Variants in IL1RAPL1 observed in about 807,000 individuals in gnomAD.
The protein encoded by IL1RAPL1 is interleukin 1 receptor accessory protein like 1.
A neutral mutation model predicts 48.4 loss-of-function variants in IL1RAPL1; 3 were observed. The ratio of observed to expected loss-of-function variants is 0.06; its 90% CI spans 0.03 to 0.16. IL1RAPL1 has a LOEUF of 0.16. Ranked by LOEUF, IL1RAPL1 falls within the 10% of genes least tolerant of loss-of-function variation. The pLI is 1.00. For missense variants in IL1RAPL1, 349 were observed against 530.6 expected (o/e 0.66, Z 3.36); for synonymous variants, 185 against 187.7 (o/e 0.99, Z 0.12).
At chrX:29,341,346 C>G (rs1347559743) in intron 3 of IL1RAPL1, among the ~76,000 whole-genome samples, 2 of 112,108 alleles carry the variant, frequency 1.8e-5, no homozygotes, top group African/African-American at 3.2e-5. Flanking sequence ...AGCATATAAT[C>G]TATTCTTTTA....
intron 2 of IL1RAPL1, among the ~76,000 whole-genome samples, chrX:28,886,794 T>C (rs1029524510): frequency 3.6e-5 from 4 of 110,454 alleles, no homozygotes; most frequent in African/African-American, 1.3e-4. Flanking sequence ...ATGATGTAGT[T>C]ATGTTTGTTT....
intron 2 of IL1RAPL1, among the ~76,000 whole-genome samples, chrX:29,276,936 C>T (rs763044525): frequency 2.7e-5 from 3 of 111,823 alleles, no homozygotes; most frequent in South Asian, 3.7e-4. Context: ...GATAGAGATA[C>T]GGTAAAGTCC....
intron 3 of IL1RAPL1, among the ~76,000 whole-genome samples, chrX:29,332,801 G>C (rs797010331): frequency 1.1e-5 from 1 of 93,975 alleles, no homozygotes; most frequent in Admixed American, 1.2e-4. Flanking sequence ...GCGGCCTTCC[G>C]CAGTGTTTGT....
intron 3 of IL1RAPL1, among the ~76,000 whole-genome samples, chrX:29,358,519 A>C (rs1304883882): frequency 9.1e-6 from 1 of 110,305 alleles, no homozygotes; most frequent in East Asian, 2.8e-4. Flanking sequence ...AAAAAGCATG[A>C]ACATAAATAC....
chrX:29,434,890 G>C (rs749579137), intron 5 of IL1RAPL1, among the ~76,000 whole-genome samples: 1 of 110,918 alleles, frequency 9.0e-6, no homozygotes, highest in East Asian at 2.8e-4. Flanking sequence ...TATATTCACA[G>C]TGTTGTGCAA....
intron 2 of IL1RAPL1, among the ~76,000 whole-genome samples, chrX:28,921,673 C>T (rs1923620184): frequency 8.9e-6 from 1 of 112,019 alleles, no homozygotes; most frequent in South Asian, 3.7e-4. Flanking sequence ...GTCAAGAAAG[C>T]ATCCTGCCTA....
At chrX:29,397,142 CAAAA>C (rs772178945) in intron 4 of IL1RAPL1, among the ~76,000 whole-genome samples, 2 of 111,749 alleles carry the variant, frequency 1.8e-5, no homozygotes, top group Non-Finnish European at 3.8e-5. Flanking sequence ...TGAATGTACT[CAAAA>C]AATAAAGTAT....
intron 2 of IL1RAPL1, among the ~76,000 whole-genome samples, chrX:28,969,928 CAT>C (rs755530854): frequency 1.0e-4 from 11 of 109,857 alleles, no homozygotes; most frequent in African/African-American, 1.6e-4. Flanking sequence ...TTTCTAAACA[CAT>C]ATATATGTTT....
rs183856665 is a variant in IL1RAPL1 at position 29,407,750 on chromosome X, G to A, written c.703+8442G>A. Reference sequence around the variant, plus strand: ...TTTGGGTCATGGGCGTATCCTAACCGAATTGACTGTAGGGAGGAGAGAAGT... The same window carrying A: ...TTTGGGTCATGGGCGTATCCTAACCAAATTGACTGTAGGGAGGAGAGAAGT... On this transcript the variant is annotated intron_variant, in intron 5 of 10. Coordinates refer to ENST00000378993, the MANE Select transcript of IL1RAPL1 (RefSeq NM_014271.4). Among the ~76,000 whole-genome samples, 680 of 111,828 alleles carry A rather than the reference G, an allele frequency of 6.1e-3. 2 individuals carry two copies. Among genetic ancestry groups the A allele is most frequent in the Admixed American group, 0.012 (127 of 10,488 alleles).
Position 29,206,549 on chromosome X carries a change from C to T in IL1RAPL1, c.83-76389C>T, listed in dbSNP as rs376639162. 1.1e-4 allele frequency among the ~76,000 whole-genome samples: 12 copies of T among 111,236 alleles called. No homozygotes were observed. In the East Asian group the frequency reaches 2.0e-3, roughly 19 times the overall value. ...CCAAACTCTTTGTCAAGTGATGTTACGTATTCATTTAATACTCAACTATAA... is the reference window on the plus strand; with the variant it reads ...CCAAACTCTTTGTCAAGTGATGTTATGTATTCATTTAATACTCAACTATAA... On this transcript the variant is annotated intron_variant, in intron 2 of 10. Transcript: ENST00000378993.
intron 8 of IL1RAPL1, among the ~76,000 whole-genome samples, chrX:29,933,309 T>C (rs1300480406): frequency 1.8e-5 from 2 of 111,548 alleles, no homozygotes; most frequent in East Asian, 2.8e-4. Flanking sequence ...GTTCTGCACA[T>C]GTACCCCAGA....
chrX:29,663,084 C>T (rs1925896304), intron 5 of IL1RAPL1, among the ~76,000 whole-genome samples: 1 of 112,249 alleles, frequency 8.9e-6, no homozygotes, highest in Non-Finnish European at 1.9e-5. Context: ...AAGATGTATG[C>T]TCCAATATTA....
rs193054029 is a variant in IL1RAPL1 at position 28,931,162 on chromosome X, T to C, written c.82+141737T>C. 1.6e-4 allele frequency among the ~76,000 whole-genome samples: 18 copies of C among 111,911 alleles called. No homozygotes were observed. The East Asian group carries it at 5.0e-3, about 31-fold the overall frequency. On this transcript the variant is annotated intron_variant, in intron 2 of 10. Transcript: ENST00000378993. The stretch of plus-strand genomic sequence containing the variant: ...GGCTTGCATTATTCTATCTTTTCTT[T>C]TCTAAACAGTGTTTCCTTAACAATT...
intron 3 of IL1RAPL1, among the ~76,000 whole-genome samples, chrX:29,284,409 G>A (rs1932249047): frequency 1.8e-5 from 2 of 112,500 alleles, no homozygotes; most frequent in South Asian, 3.7e-4. Flanking sequence ...TATAAGTAAA[G>A]AGTTGTGCTT....
chrX:29,240,224 A>ATATTTT (rs1370970751), intron 2 of IL1RAPL1, among the ~76,000 whole-genome samples: 2 of 13,344 alleles, frequency 1.5e-4, no homozygotes, highest in African/African-American at 8.1e-4. Context: ...ATATATATAT[A>ATATTTT]TTTTTTTTTT....
chrX:29,135,530 C>T (rs1260880782), intron 2 of IL1RAPL1, among the ~76,000 whole-genome samples: 1 of 111,625 alleles, frequency 9.0e-6, no homozygotes, highest in African/African-American at 3.3e-5. Context: ...TTCACAGTGT[C>T]AGGAATCTAA....
chrX:29,393,431 A>G lies in IL1RAPL1; in HGVS notation c.363-2827A>G, dbSNP rs749381641. Among the ~76,000 whole-genome samples the G allele has an allele frequency of 6.3e-5, 7 of 111,833 alleles. No individual in the cohort carries two copies. In the East Asian group the frequency reaches 2.0e-3, roughly 32 times the overall value. Reference sequence around the variant, plus strand: ...CCACCGCGCCCTGCCAACTTTCCCTAGTTCTCAAAAATAATGAGTGATTGA... The same window carrying G: ...CCACCGCGCCCTGCCAACTTTCCCTGGTTCTCAAAAATAATGAGTGATTGA... On this transcript the variant is annotated intron_variant, in intron 3 of 10. Transcript: ENST00000378993.
intron 6 of IL1RAPL1, among the ~76,000 whole-genome samples, chrX:29,743,756 T>G (rs950106233): frequency 8.9e-6 from 1 of 112,232 alleles, no homozygotes; most frequent in African/African-American, 3.2e-5. Flanking sequence ...GTGCTAGGAT[T>G]ACAGGCGTGA....
intron 5 of IL1RAPL1, among the ~76,000 whole-genome samples, chrX:29,443,244 C>CTCTG (rs1556014074): frequency 9.2e-6 from 1 of 109,224 alleles, no homozygotes; most frequent in African/African-American, 3.4e-5. Context: ...CTCTCTCTCT[C>CTCTG]TCTCTCTCTC....
Sources: gnomAD v4.1 joint callset for allele counts (sites outside exome capture counted in the v4.1 genomes callset) on GRCh38, gnomAD v4.1.1 for gene constraint, MANE v1.5 for transcripts, NCBI Gene and HGNC (gene_info 2026-07-23, HGNC 2026-07-21) for gene names.